Variants in PRKD1 observed in about 807,000 individuals in gnomAD.
PRKD1 encodes the protein serine/threonine-protein kinase D1.
PRKD1 carries 63 observed loss-of-function variants against 95.9 expected under a neutral mutation model. That is an observed-to-expected ratio of 0.66 (90% CI 0.54 to 0.81). The LOEUF (loss-of-function observed/expected upper bound fraction) is 0.81, where lower values mean the gene tolerates loss of function less well. Among genes scored for constraint, PRKD1 ranks in the 30% least tolerant of loss-of-function variants. PRKD1 has a pLI of 0.00. For synonymous variants in PRKD1, 425 were observed against 423.1 expected (o/e 1.00, Z -0.05); for missense variants, 1,048 against 1,165.3 (o/e 0.90, Z 1.47).
At chr14:29,890,931 A>C (rs1434546652) in intron 1 of PRKD1, among the ~76,000 whole-genome samples, 1 of 152,002 alleles carries the variant, frequency 6.6e-6, no homozygotes, top group East Asian at 2.0e-4. Flanking sequence ...AATTCTATCT[A>C]TCACCAAGGT....
intron 1 of PRKD1, among the ~76,000 whole-genome samples, chr14:29,912,853 A>C (rs776185524): frequency 2.6e-5 from 4 of 152,222 alleles, no homozygotes; most frequent in Non-Finnish European, 2.9e-5. Context: ...TGTGAAGAGC[A>C]CTTTACGCTA....
intron 1 of PRKD1, among the ~76,000 whole-genome samples, chr14:29,924,957 T>C (rs1469146716): frequency 6.6e-6 from 1 of 152,034 alleles, no homozygotes; most frequent in Non-Finnish European, 1.5e-5. Flanking sequence ...ATTGAAAAAG[T>C]CCTCTGTCCA....
At chr14:29,582,421 CT>C (rs1280922558) in intron 16 of PRKD1, among the ~76,000 whole-genome samples, 2 of 151,996 alleles carry the variant, frequency 1.3e-5, no homozygotes, top group African/African-American at 4.8e-5. Context: ...AGAAGTTCTA[CT>C]TGTCTTAAAT....
chr14:29,611,378 G>T (rs913243379), intron 13 of PRKD1, among the ~76,000 whole-genome samples: 4 of 151,890 alleles, frequency 2.6e-5, no homozygotes, highest in African/African-American at 9.7e-5. Context: ...AAATCTAGAT[G>T]CTCTAAGCCC....
chr14:29,592,831 T>C (rs1003508058), intron 16 of PRKD1: 3 of 152,174 alleles, frequency 2.0e-5, no homozygotes, highest in Non-Finnish European at 4.4e-5. Context: ...TTGATCACAG[T>C]GTGATCCTGT....
At chr14:29,863,959 A>G (rs990932065) in intron 1 of PRKD1, among the ~76,000 whole-genome samples, 3 of 152,156 alleles carry the variant, frequency 2.0e-5, no homozygotes, top group Non-Finnish European at 2.9e-5. Flanking sequence ...AAGAACAGCT[A>G]AAATAATTTT....
intron 16 of PRKD1, chr14:29,594,068 C>T (rs555961469): frequency 6.8e-5 from 30 of 444,112 alleles, no homozygotes; most frequent in African/African-American, 3.2e-4. Flanking sequence ...AATGCAGAGA[C>T]GAAAGCAAAT....
chr14:29,735,610 G>T (rs1044435114), intron 1 of PRKD1, among the ~76,000 whole-genome samples: 2 of 152,214 alleles, frequency 1.3e-5, no homozygotes, highest in African/African-American at 4.8e-5. Context: ...CAATTTGCTT[G>T]TGTGATGCAA....
intron 1 of PRKD1, among the ~76,000 whole-genome samples, chr14:29,850,041 A>G (rs1892243790): frequency 6.6e-6 from 1 of 152,108 alleles, no homozygotes; most frequent in Non-Finnish European, 1.5e-5. Flanking sequence ...AGGCATCAAG[A>G]AACATACCTC....
chr14:29,696,794 C>A (rs1162978701), intron 2 of PRKD1, among the ~76,000 whole-genome samples: 1 of 151,972 alleles, frequency 6.6e-6, no homozygotes, highest in African/African-American at 2.4e-5. Context: ...TCAGTTTCTG[C>A]TAAATATGTC....
intron 2 of PRKD1, among the ~76,000 whole-genome samples, chr14:29,681,081 A>G (rs1172177303): frequency 6.6e-6 from 1 of 152,250 alleles, no homozygotes; most frequent in Non-Finnish European, 1.5e-5. Context: ...AAAAAAGGTG[A>G]CAGAGAATAA....
intron 1 of PRKD1, among the ~76,000 whole-genome samples, chr14:29,802,740 A>G (rs1021204130): frequency 1.1e-4 from 17 of 152,214 alleles, no homozygotes; most frequent in Non-Finnish European, 1.5e-4. Flanking sequence ...CCTGGATGGA[A>G]TATCCTTCAA....
intron 16 of PRKD1, among the ~76,000 whole-genome samples, chr14:29,581,103 T>C (rs774764385): frequency 5.9e-5 from 9 of 152,184 alleles, no homozygotes; most frequent in African/African-American, 1.2e-4. Context: ...ATGTTTTAGA[T>C]GCAATGGAAA....
chr14:29,657,207 A>G (rs774846701), intron 4 of PRKD1, among the ~76,000 whole-genome samples: 5 of 152,370 alleles, frequency 3.3e-5, no homozygotes, highest in Admixed American at 1.3e-4. Context: ...GGTAGTATCA[A>G]TGAAAAATAT....
At position 29,837,345 on chromosome 14, in the gene PRKD1, T is replaced by G. The variant is rs775231199; in HGVS notation, c.264+89904A>C. Among the ~76,000 whole-genome samples the G allele has an allele frequency of 3.5e-4, 54 of 152,240 alleles. 1 individual carries two copies. Among genetic ancestry groups the G allele is most frequent in the Non-Finnish European group, 5.7e-4 (39 of 68,032 alleles). On this transcript the variant is annotated intron_variant, in intron 1 of 17. Coordinates refer to ENST00000331968, the MANE Select transcript of PRKD1 (RefSeq NM_002742.3). ...CTGATGTGCCTTAAAAAATTTAACT[T>G]GGTTCATAATACATAAACCATTGCA... is the stretch of plus-strand genomic sequence containing the variant.
At chr14:29,744,300 T>C (rs572540755) in intron 1 of PRKD1, among the ~76,000 whole-genome samples, 1 of 152,334 alleles carries the variant, frequency 6.6e-6, no homozygotes, top group Admixed American at 6.5e-5. Context: ...GTTGTTCAGT[T>C]AGAAACCCTG....
intron 1 of PRKD1, among the ~76,000 whole-genome samples, chr14:29,866,468 A>T (rs1221650203): frequency 6.6e-6 from 1 of 152,224 alleles, no homozygotes; most frequent in Non-Finnish European, 1.5e-5. Context: ...TTATTGAGAC[A>T]TATTACAAAG....
chr14:29,660,280 AT>A (rs1882120126), intron 4 of PRKD1, among the ~76,000 whole-genome samples: 1 of 152,192 alleles, frequency 6.6e-6, no homozygotes, highest in African/African-American at 2.4e-5. Context: ...GTAACAGCAC[AT>A]TGCCTTAATA....
rs577007067 is a variant in PRKD1 at position 29,767,379 on chromosome 14, T to G, written c.265-41705A>C. Reference sequence around the variant, plus strand: ...GATCCATAATCTATGCGGCTTAAATTATAAGGATATTAATATTAATGCTTA... The same window carrying G: ...GATCCATAATCTATGCGGCTTAAATGATAAGGATATTAATATTAATGCTTA... On this transcript the variant is annotated intron_variant, in intron 1 of 17. Coordinates refer to ENST00000331968, the MANE Select transcript of PRKD1 (RefSeq NM_002742.3). 3.3e-5 allele frequency among the ~76,000 whole-genome samples: 5 copies of G among 152,286 alleles called. No homozygotes were observed. The South Asian group carries it at 1.0e-3, about 32-fold the overall frequency.
Sources: allele counts gnomAD v4.1 joint callset (sites outside exome capture counted in the v4.1 genomes callset), GRCh38; gene constraint gnomAD v4.1.1; transcripts MANE v1.5; gene names NCBI Gene and HGNC (gene_info 2026-07-23, HGNC 2026-07-21).